The following PPP4R2 variants were observed in gnomAD, a reference collection of about 807,000 sequenced individuals.
PPP4R2 encodes the protein protein phosphatase 4 regulatory subunit 2, also known as serine/threonine-protein phosphatase 4 regulatory subunit 2.
A neutral mutation model predicts 47.2 loss-of-function variants in PPP4R2; 13 were observed. The ratio of observed to expected loss-of-function variants is 0.28; its 90% CI spans 0.18 to 0.44. The LOEUF is 0.44. Ranked by LOEUF, PPP4R2 falls within the 20% of genes least tolerant of loss-of-function variation. PPP4R2 has a pLI of 1.00. For synonymous variants in PPP4R2, 151 were observed against 163.3 expected (o/e 0.92, Z 0.57); for missense variants, 421 against 491.2 (o/e 0.86, Z 1.35).
rs907434814 is a variant in PPP4R2, at chr3:73,067,938, G to C, written c.*2216G>C. ...AGTTTAATAGTTTTAATATTTATTA[G>C]ATATTCATATGTTGATCATAGATCA... On this transcript the variant is annotated 3_prime_UTR_variant, in exon 9 of 9. Coordinates refer to ENST00000356692, the MANE Select transcript of PPP4R2 (RefSeq NM_174907.4). The C allele has an allele frequency of 2.0e-5, 3 of 152,082 alleles. No individual in the cohort carries two copies. The highest frequency in any genetic ancestry group is 4.4e-5 in the Non-Finnish European group (3 of 68,002). The allele number at this position is 152,082 out of a possible 1,614,324, so 9.4% of individuals were successfully genotyped here.
chr3:73,015,338 A>T (rs1193287431), intron 2 of PPP4R2, among the ~76,000 whole-genome samples: 1 of 150,478 alleles, frequency 6.6e-6, no homozygotes, highest in Non-Finnish European at 1.5e-5. Flanking sequence ...TATCATGCCC[A>T]GCTGATTTTT....
intron 2 of PPP4R2, among the ~76,000 whole-genome samples, chr3:73,017,693 G>T (rs1392685795): frequency 6.6e-6 from 1 of 152,104 alleles, no homozygotes; most frequent in African/African-American, 2.4e-5. Context: ...AACTTTGGAA[G>T]AAGCTGGAAG....
chr3:73,051,418 A>G (rs1038231849), intron 3 of PPP4R2, among the ~76,000 whole-genome samples: 9 of 152,220 alleles, frequency 5.9e-5, no homozygotes, highest in Admixed American at 4.6e-4. Flanking sequence ...GTGAAATGGA[A>G]CATCTTTTTG....
At chr3:73,015,386 A>T (rs1701804916) in intron 2 of PPP4R2, among the ~76,000 whole-genome samples, 1 of 151,906 alleles carries the variant, frequency 6.6e-6, no homozygotes. Context: ...CATGTTGGCC[A>T]TGCTGGTCTT....
chr3:73,065,151 G>C lies in PPP4R2; in HGVS notation c.928+10G>C, dbSNP rs1431728796. 1 of 1,589,268 alleles carries C rather than the reference G, an allele frequency of 6.3e-7. No homozygotes were observed. The highest frequency in any genetic ancestry group is 8.5e-7 in the Non-Finnish European group (1 of 1,169,766). Reference sequence around the variant, plus strand: ...GAAGAGGAAGAAGAAGGTATTTAGAGACCATCTGTAAAAGGGTGGAGTAAG... The same window carrying C: ...GAAGAGGAAGAAGAAGGTATTTAGACACCATCTGTAAAAGGGTGGAGTAAG... On this transcript the variant is annotated intron_variant, in intron 8 of 8. Transcript: ENST00000356692.
intron 2 of PPP4R2, among the ~76,000 whole-genome samples, chr3:73,012,871 G>A (rs913906782): frequency 1.3e-5 from 2 of 150,978 alleles, no homozygotes; most frequent in Admixed American, 6.6e-5. Flanking sequence ...CTTGCTGTAA[G>A]GAGCAATCTT....
At chr3:73,048,719 T>C (rs1309133754) in intron 3 of PPP4R2, among the ~76,000 whole-genome samples, 1 of 152,246 alleles carries the variant, frequency 6.6e-6, no homozygotes, top group African/African-American at 2.4e-5. Context: ...AATTAGATAG[T>C]ATTTGAAGGG....
chr3:73,048,619 G>C (rs1047872853), intron 3 of PPP4R2, among the ~76,000 whole-genome samples: 1 of 152,164 alleles, frequency 6.6e-6, no homozygotes, highest in Non-Finnish European at 1.5e-5. Flanking sequence ...TGAATTATTC[G>C]ATATTTAGTT....
At position 73,058,031 on chromosome 3, in the gene PPP4R2, G is replaced by A. The variant is rs145593696; in HGVS notation, c.288-1006G>A. Among the ~76,000 whole-genome samples, 67 of 152,222 alleles carry A rather than the reference G, an allele frequency of 4.4e-4. 1 individual carries two copies. The Middle Eastern group carries it at 0.01, about 23-fold the overall frequency. ...TTGTTAGCTGCGTTTGTCGTACCTC[G>A]TGCTCATAACTTTGCTGTTCTGTTC... is the stretch of plus-strand genomic sequence containing the variant. On this transcript the variant is annotated intron_variant, in intron 3 of 8. Transcript: ENST00000356692.
At chr3:73,029,904 T>G (rs1702137387) in intron 2 of PPP4R2, among the ~76,000 whole-genome samples, 1 of 152,230 alleles carries the variant, frequency 6.6e-6, no homozygotes, top group African/African-American at 2.4e-5. Flanking sequence ...AAGAAAATTG[T>G]CCACTAACCA....
chr3:72,998,033 C>CT, intron 1 of PPP4R2, 44 bp from the exon 2 acceptor site: 1 of 1,414,802 alleles, frequency 7.1e-7, no homozygotes, highest in African/African-American at 1.4e-5. Context: ...TTTTAGAGCG[C>CT]TTTTGAGAAA....
At chr3:73,028,587 C>G (rs371772701) in intron 2 of PPP4R2, among the ~76,000 whole-genome samples, 1 of 151,762 alleles carries the variant, frequency 6.6e-6, no homozygotes, top group Non-Finnish European at 1.5e-5. Context: ...ACTACAGATG[C>G]GCGCCACCAT....
rs1044210411 is a variant in PPP4R2 at position 73,024,083 on chromosome 3, G to T, written c.117-23103G>T. ...AAAATAGATTTTATAGATATGATTGGCTGAAATGAACAGCCTTTTTCAGAC... is the reference window on the plus strand; with the variant it reads ...AAAATAGATTTTATAGATATGATTGTCTGAAATGAACAGCCTTTTTCAGAC... On this transcript the variant is annotated intron_variant, in intron 2 of 8. Coordinates refer to ENST00000356692, the MANE Select transcript of PPP4R2 (RefSeq NM_174907.4). 4.4e-4 allele frequency among the ~76,000 whole-genome samples: 67 copies of T among 151,950 alleles called. No homozygotes were observed. The East Asian group carries it at 0.011, about 25-fold the overall frequency.
chr3:73,001,355 G>A lies in PPP4R2; in HGVS notation c.116+3197G>A, dbSNP rs1173361704. Among the ~76,000 whole-genome samples, 4 of 152,058 alleles carry A rather than the reference G, an allele frequency of 2.6e-5. No homozygotes were observed. The East Asian group carries it at 7.7e-4, about 29-fold the overall frequency. On this transcript the variant is annotated intron_variant, in intron 2 of 8. Transcript: ENST00000356692. ...GGTGGCCCAGGGTCACTTGAGCCCA[G>A]GAGTTCGAGACCAGCCTGGGCAACA... is the stretch of plus-strand genomic sequence containing the variant.
chr3:73,047,181 T>C lies in PPP4R2; in HGVS notation c.117-5T>C, dbSNP rs1050736471. 3 of 1,516,326 alleles carry C rather than the reference T, an allele frequency of 2.0e-6. No individual in the cohort carries two copies. Among genetic ancestry groups the C allele is most frequent in the Admixed American group, 2.2e-5 (1 of 45,530 alleles). The allele number at this position is 1,516,326 out of a possible 1,614,324, so 93.9% of individuals were successfully genotyped here. ...ATTATATATTTTTTAATTTTTTGCTTATAGGATTCAGTGGTCCCAATTTAA... is the reference window on the plus strand; with the variant it reads ...ATTATATATTTTTTAATTTTTTGCTCATAGGATTCAGTGGTCCCAATTTAA... On this transcript the variant is annotated splice_polypyrimidine_tract_variant and splice_region_variant and intron_variant, in intron 2 of 8. Coordinates refer to ENST00000356692, the MANE Select transcript of PPP4R2 (RefSeq NM_174907.4).
In PPP4R2 at chr3:73,065,090, C is replaced by T. The variant is rs372171443; in HGVS notation, c.877C>T (p.Arg293Trp). 17 of 1,613,836 alleles carry T rather than the reference C, an allele frequency of 1.1e-5. No homozygotes were observed. The highest frequency in any genetic ancestry group is 8.0e-5 in the African/African-American group (6 of 74,974). Residue 293 changes from arginine (R) to tryptophan (W), a missense_variant, in exon 8 of 9, where the codon CGG becomes TGG. By Grantham distance (101) the Arg-to-Trp change is moderately radical (BLOSUM62 -3). This residue lies in a region of PPP4R2 where 317 missense variants were observed against 287.5 expected (regional missense o/e 1.10). Coordinates refer to ENST00000356692, the MANE Select transcript of PPP4R2 (RefSeq NM_174907.4). ...TAAAGACAAAGATAGCCGTTGTACC[C>T]GGCAGCACTGTACAGAAGAGGATGA... ...QDKDKDSRCTRQHCTEEDEEE... is the reference protein window; with the variant it reads ...QDKDKDSRCTWQHCTEEDEEE...
rs765101076 is a variant in PPP4R2, at chr3:73,065,050, A to G, written c.837A>G (p.Ser279=). 11 of 1,613,868 alleles carry G rather than the reference A, an allele frequency of 6.8e-6. No homozygotes were observed. The highest frequency in any genetic ancestry group is 5.5e-5 in the South Asian group (5 of 91,078). The change falls in exon 8 of 9, where the codon TCA becomes TCG. Residue 279 remains serine (S), a synonymous_variant. Coordinates refer to ENST00000356692, the MANE Select transcript of PPP4R2 (RefSeq NM_174907.4). The stretch of plus-strand genomic sequence containing the variant: ...TTATGGTAGGAGAAACAGAAGCATC[A>G]TCTTCATCTCAGGATAAAGACAAAG... The part of the protein sequence containing the change: ...SSVMVGETEA[S]SSSQDKDKDS...
chr3:73,043,724 G>A (rs1702426771), intron 2 of PPP4R2, among the ~76,000 whole-genome samples: 1 of 152,140 alleles, frequency 6.6e-6, no homozygotes, highest in South Asian at 2.1e-4. Context: ...GGCCATTTGT[G>A]TATCTTCTTT....
At chr3:73,038,785 T>C (rs2107292796) in intron 2 of PPP4R2, among the ~76,000 whole-genome samples, 1 of 152,326 alleles carries the variant, frequency 6.6e-6, no homozygotes, top group Admixed American at 6.5e-5. Flanking sequence ...TTTAGGCATT[T>C]TTAGAATCCT....
Sources: allele counts gnomAD v4.1 joint callset (sites outside exome capture counted in the v4.1 genomes callset), GRCh38; gene constraint gnomAD v4.1.1; regional missense constraint gnomAD v4.1.1; transcripts MANE v1.5; gene names NCBI Gene and HGNC (gene_info 2026-07-23, HGNC 2026-07-21).